The following MSRA variants were observed in gnomAD, a reference collection of about 807,000 sequenced individuals.
MSRA encodes the protein methionine sulfoxide reductase A, also known as mitochondrial peptide methionine sulfoxide reductase.
MSRA carries 54 observed loss-of-function variants against 31.3 expected under a neutral mutation model. That is an observed-to-expected ratio of 1.73 (90% CI 1.39 to 2.17). The LOEUF is 2.17. MSRA is among the 30% of genes most tolerant of loss of function. The pLI, the probability that MSRA is intolerant of heterozygous loss-of-function variation, is 0.00. For synonymous variants in MSRA, 169 were observed against 116.5 expected (o/e 1.45, Z -2.90); for missense variants, 507 against 300.9 (o/e 1.69, Z -5.07).
intron 5 of MSRA, among the ~76,000 whole-genome samples, chr8:10,413,314 A>G (rs1808265249): frequency 6.6e-6 from 1 of 152,228 alleles, no homozygotes; most frequent in African/African-American, 2.4e-5. Flanking sequence ...TTCGGTGATA[A>G]TTAGCTAACC....
intron 1 of MSRA, among the ~76,000 whole-genome samples, chr8:10,061,328 T>C (rs927073097): frequency 6.6e-6 from 1 of 152,184 alleles, no homozygotes; most frequent in African/African-American, 2.4e-5. Flanking sequence ...AAGACCTGTA[T>C]TGTCCATATA....
At chr8:10,112,962 C>T (rs1334172641) in intron 1 of MSRA, among the ~76,000 whole-genome samples, 1 of 152,146 alleles carries the variant, frequency 6.6e-6, no homozygotes, top group Non-Finnish European at 1.5e-5. Flanking sequence ...CCCCGTCTAA[C>T]ATGGCTCCTT....
intron 5 of MSRA, among the ~76,000 whole-genome samples, chr8:10,334,033 G>A (rs1802867779): frequency 6.6e-6 from 1 of 152,120 alleles, no homozygotes; most frequent in South Asian, 2.1e-4. Context: ...CATTCGTGTG[G>A]TCTGATAACA....
At chr8:10,404,021 A>G (rs893731312) in intron 5 of MSRA, among the ~76,000 whole-genome samples, 6 of 152,242 alleles carry the variant, frequency 3.9e-5, no homozygotes, top group African/African-American at 1.4e-4. Flanking sequence ...CACTGTAGGA[A>G]AGATTTCTCA....
chr8:10,182,641 G>C (rs28405923), intron 1 of MSRA, among the ~76,000 whole-genome samples: 8,599 of 152,232 alleles, frequency 0.056, 816 homozygotes, highest in African/African-American at 0.2. Context: ...CAAGCATGCG[G>C]TGTGTGATCA....
intron 1 of MSRA, among the ~76,000 whole-genome samples, chr8:10,197,395 C>G (rs541775410): frequency 6.6e-6 from 1 of 152,294 alleles, no homozygotes; most frequent in African/African-American, 2.4e-5. Flanking sequence ...TAGTCTGGTG[C>G]TTGCCGGAGA....
chr8:10,064,852 A>C (rs1258725820), intron 1 of MSRA, among the ~76,000 whole-genome samples: 3 of 152,190 alleles, frequency 2.0e-5, no homozygotes, highest in Non-Finnish European at 4.4e-5. Flanking sequence ...AACAGATTGT[A>C]CCCAGAAGGG....
chr8:10,071,949 T>C (rs190019611), intron 1 of MSRA, among the ~76,000 whole-genome samples: 1 of 152,112 alleles, frequency 6.6e-6, no homozygotes, highest in South Asian at 2.1e-4. Context: ...GTTTCAGTAG[T>C]GCGTATGGGT....
chr8:10,312,986 G>A (rs1190484071), intron 4 of MSRA, among the ~76,000 whole-genome samples: 1 of 152,172 alleles, frequency 6.6e-6, no homozygotes, highest in Non-Finnish European at 1.5e-5. Flanking sequence ...TTTCTAATCA[G>A]CATTGGAGTG....
At position 10,081,630 on chromosome 8, in the gene MSRA, T is replaced by C. The variant is rs546693129; in HGVS notation, c.142+26972T>C. Among the ~76,000 whole-genome samples, 29 of 152,274 alleles carry C rather than the reference T, an allele frequency of 1.9e-4. No individual in the cohort carries two copies. In the East Asian group the frequency reaches 1.9e-3, roughly 10 times the overall value. On this transcript the variant is annotated intron_variant, in intron 1 of 5. Transcript: ENST00000317173. The stretch of plus-strand genomic sequence containing the variant: ...TTGGTCTCCCGAGTAGGTGGACTTA[T>C]AGGCGCCCACAACGACGCCTGACAA...
intron 2 of MSRA, among the ~76,000 whole-genome samples, chr8:10,232,502 G>A (rs1262678613): frequency 2.0e-5 from 3 of 152,226 alleles, no homozygotes; most frequent in African/African-American, 7.2e-5. Flanking sequence ...TGCGGAAGAT[G>A]TAGTGGTCGG....
At chr8:10,165,005 G>A (rs1804992019) in intron 1 of MSRA, among the ~76,000 whole-genome samples, 1 of 152,136 alleles carries the variant, frequency 6.6e-6, no homozygotes, top group African/African-American at 2.4e-5. Flanking sequence ...TCCACCCTGG[G>A]CGACAGAGTG....
intron 3 of MSRA, among the ~76,000 whole-genome samples, chr8:10,246,391 C>G (rs921737989): frequency 6.6e-6 from 1 of 152,096 alleles, no homozygotes; most frequent in African/African-American, 2.4e-5. Context: ...CCTGCCAGCT[C>G]AGATAGCATT....
At chr8:10,215,934 G>C (rs1335430118) in intron 2 of MSRA, among the ~76,000 whole-genome samples, 1 of 152,130 alleles carries the variant, frequency 6.6e-6, no homozygotes, top group Non-Finnish European at 1.5e-5. Context: ...CATTCAACAG[G>C]ATGTTCAGGA....
chr8:10,206,811 A>G (rs967328366), intron 1 of MSRA, among the ~76,000 whole-genome samples: 3 of 152,168 alleles, frequency 2.0e-5, no homozygotes, highest in Non-Finnish European at 4.4e-5. Flanking sequence ...GCACATAATT[A>G]TATGCCTTCT....
At chr8:10,222,548 C>G (rs780241395) in intron 2 of MSRA, among the ~76,000 whole-genome samples, 2 of 152,164 alleles carry the variant, frequency 1.3e-5, no homozygotes, top group African/African-American at 2.4e-5. Flanking sequence ...TATTCATACT[C>G]TCACGTTCAT....
chr8:10,144,780 C>G (rs927084555), intron 1 of MSRA, among the ~76,000 whole-genome samples: 2 of 152,006 alleles, frequency 1.3e-5, no homozygotes, highest in African/African-American at 4.8e-5. Flanking sequence ...GTGACAATTG[C>G]GGCTCACAGC....
chr8:10,055,762 A>C (rs1179447039), intron 1 of MSRA, among the ~76,000 whole-genome samples: 5 of 152,206 alleles, frequency 3.3e-5, no homozygotes, highest in Admixed American at 6.5e-5. Flanking sequence ...GGATAGGAGG[A>C]GGTCATATTG....
intron 3 of MSRA, chr8:10,250,485 A>C (rs557836926): frequency 2.8e-6 from 2 of 702,344 alleles, no homozygotes; most frequent in East Asian, 5.4e-5. Flanking sequence ...TGCACAGCCA[A>C]GTGGCACTGA....
Sources: allele counts gnomAD v4.1 joint callset (sites outside exome capture counted in the v4.1 genomes callset), GRCh38; gene constraint gnomAD v4.1.1; transcripts MANE v1.5; gene names NCBI Gene and HGNC (gene_info 2026-07-23, HGNC 2026-07-21).